Variants in USP35 observed in about 807,000 individuals in gnomAD.
USP35 encodes ubiquitin specific peptidase 35.
In USP35, 69 loss-of-function variants were observed where a neutral mutation model predicts 83.8. The ratio of observed to expected loss-of-function variants is 0.82; its 90% CI spans 0.68 to 1.01. The LOEUF (loss-of-function observed/expected upper bound fraction) is 1.01. USP35 is among the 50% of genes least tolerant of loss of function. The pLI is 0.00. For missense variants in USP35, 1,503 were observed against 1,362.5 expected (o/e 1.10, Z -1.62); for synonymous variants, 714 against 589.5 (o/e 1.21, Z -3.06).
intron 1 of USP35, among the ~76,000 whole-genome samples, chr11:78,193,064 A>T (rs1235025213): frequency 6.6e-6 from 1 of 152,132 alleles, no homozygotes; most frequent in African/African-American, 2.4e-5. Flanking sequence ...AGCATATGAA[A>T]TCCACTAGCC....
At position 78,196,660 on chromosome 11, in the gene USP35, G is replaced by A. The variant is rs1863156387; in HGVS notation, c.415G>A (p.Ala139Thr). The change falls in exon 2 of 11, where the codon GCG (alanine) becomes ACG (threonine). Residue 139 changes from alanine to threonine, a missense_variant. Ala to Thr is a moderately conservative substitution (Grantham distance 58). Coordinates refer to ENST00000529308, the MANE Select transcript of USP35 (RefSeq NM_020798.4). This position sits in a 1 kb window ranked among gnomAD's most constrained non-coding sequence, Gnocchi z 4.8. Reference protein sequence around the residue: ...LRTVCERPGPAACAQVARLLA... With the variant: ...LRTVCERPGPTACAQVARLLA... ...CACCGTGTGCGAGCGCCCGGGCCCC[G>A]CGGCCTGCGCGCAGGTGGCACGGCT... The A allele has an allele frequency of 5.7e-6, 8 of 1,414,824 alleles. No individual in the cohort carries two copies. The highest frequency in any genetic ancestry group is 4.6e-6 in the Non-Finnish European group (5 of 1,092,810). 87.6% of individuals were successfully genotyped at this position (1,414,824 alleles called of 1,614,324 possible). A position where few individuals can be genotyped will look rare whatever the true frequency, so the allele number is the denominator to read the frequency against.
intron 1 of USP35, among the ~76,000 whole-genome samples, chr11:78,193,211 T>G (rs1863051360): frequency 6.6e-6 from 1 of 152,098 alleles, no homozygotes; most frequent in Non-Finnish European, 1.5e-5. Context: ...TTTTCTTTTT[T>G]GAAACAGGAA....
chr11:78,231,336 GGT>G, the USP35 span, among the ~76,000 whole-genome samples: 243 of 145,794 alleles, frequency 1.7e-3, 1 homozygote, highest in South Asian at 7.2e-3. Context: ...GCGCGTGTGT[GGT>G]GTGTGTGTGT....
At chr11:78,204,311 T>A (rs1180878434) in intron 6 of USP35, among the ~76,000 whole-genome samples, 3 of 152,240 alleles carry the variant, frequency 2.0e-5, no homozygotes, top group Non-Finnish European at 2.9e-5. Context: ...CTTATAAAAT[T>A]ATTTCGCATG....
chr11:78,231,095 C>CT, the USP35 span, among the ~76,000 whole-genome samples: 4 of 152,190 alleles, frequency 2.6e-5, no homozygotes, highest in Admixed American at 2.6e-4. Context: ...AGACACACCT[C>CT]TTACTTTCAC....
chr11:78,232,577 C>G, the USP35 span, among the ~76,000 whole-genome samples: 1 of 152,130 alleles, frequency 6.6e-6, no homozygotes, highest in Non-Finnish European at 1.5e-5. Flanking sequence ...AGTGGAAGAC[C>G]TGCATTTTGA....
chr11:78,212,490 C>T (rs147629894), intron 10 of USP35, among the ~76,000 whole-genome samples: 14 of 152,138 alleles, frequency 9.2e-5, no homozygotes, highest in East Asian at 1.9e-4. Context: ...GGTAGTTTAA[C>T]GGGAATAGCA....
intron 5 of USP35, 141 bp from the exon 6 acceptor site, chr11:78,200,509 C>A (rs1863315372): frequency 1.6e-6 from 2 of 1,253,664 alleles, no homozygotes; most frequent in Admixed American, 5.4e-5. Flanking sequence ...GAGCTCAGAG[C>A]CCCATCTGGG....
the USP35 span, chr11:78,223,552 T>C: frequency 1.2e-6 from 2 of 1,613,874 alleles, no homozygotes; most frequent in Non-Finnish European, 1.7e-6. Context: ...CATTGGGATG[T>C]AGACGCTCTG....
At chr11:78,229,114 C>T in the USP35 span, among the ~76,000 whole-genome samples, 1 of 152,284 alleles carries the variant, frequency 6.6e-6, no homozygotes, top group South Asian at 2.1e-4. Context: ...GAGTATGTAG[C>T]TGCTGACAGT....
intron 1 of USP35, among the ~76,000 whole-genome samples, chr11:78,194,763 G>C (rs1016377885): frequency 3.3e-5 from 5 of 152,186 alleles, no homozygotes; most frequent in African/African-American, 1.2e-4. Context: ...TGCTCATCCA[G>C]CAAATGCCTG....
At chr11:78,207,442 A>G in intron 7 of USP35, 88 bp from the exon 8 acceptor site, 3 of 1,341,128 alleles carry the variant, frequency 2.2e-6, no homozygotes, top group Admixed American at 1.7e-5. Context: ...CCTTTGGCCT[A>G]GAGGCTCTGG....
At chr11:78,229,721 A>T in the USP35 span, among the ~76,000 whole-genome samples, 23 of 152,274 alleles carry the variant, frequency 1.5e-4, no homozygotes, top group African/African-American at 5.5e-4. Context: ...TCATCTCACC[A>T]ATCTTTTCTC....
rs781572895 is a variant in USP35 at position 78,206,038 on chromosome 11, A to G, written c.1391+3A>G. The G allele has an allele frequency of 9.4e-6, 15 of 1,603,830 alleles. No homozygotes were observed. In the Admixed American group the frequency reaches 2.5e-4, roughly 27 times the overall value. On this transcript the variant is annotated splice_donor_region_variant and intron_variant, in intron 7 of 10. Coordinates refer to ENST00000529308, the MANE Select transcript of USP35 (RefSeq NM_020798.4). ...CAGGCCTTATTCATGGCGTCTGAGT[A>G]GGTGCTGCTTTGGAATTCCCTGTCT...
At chr11:78,206,070 G>C in intron 7 of USP35, 35 bp downstream of exon 7, 4 of 1,593,542 alleles carry the variant, frequency 2.5e-6, no homozygotes, top group Non-Finnish European at 3.4e-6. Flanking sequence ...GTCTGCCCTT[G>C]CTTCTCTCCT....
chr11:78,199,444 A>G (rs2137033674), intron 3 of USP35, 151 bp from the exon 4 acceptor site: 1 of 1,170,006 alleles, frequency 8.5e-7, no homozygotes, highest in East Asian at 2.4e-5. Flanking sequence ...TTTCCCAGCC[A>G]TGTCTGGTTC....
Position 78,214,623 on chromosome 11 carries a change from T to TGACACTGCTGTAGCCCCCTTCTA in USP35, c.*811_*833dup, listed in dbSNP as rs1461331143. ...CACCTGCAGGTTGGGTGAAGTGCCCTGACACTGCTGTAGCCCCCTTCTAAC... is the reference window on the plus strand; with the variant it reads ...CACCTGCAGGTTGGGTGAAGTGCCCTGACACTGCTGTAGCCCCCTTCTAGACACTGCTGTAGCCCCCTTCTAAC... On this transcript the variant is annotated 3_prime_UTR_variant, in exon 11 of 11. Coordinates refer to ENST00000529308, the MANE Select transcript of USP35 (RefSeq NM_020798.4). 6.6e-6 allele frequency: 1 copy of TGACACTGCTGTAGCCCCCTTCTA among 152,242 alleles called. No homozygotes were observed. Among genetic ancestry groups the TGACACTGCTGTAGCCCCCTTCTA allele is most frequent in the Non-Finnish European group, 1.5e-5 (1 of 68,048 alleles). 9.4% of individuals were successfully genotyped at this position (152,242 alleles called of 1,614,324 possible).
chr11:78,197,153 C>T (rs1863177461), intron 2 of USP35, among the ~76,000 whole-genome samples: 1 of 141,600 alleles, frequency 7.1e-6, no homozygotes, highest in Non-Finnish European at 1.5e-5. Flanking sequence ...GGGAGGAGCA[C>T]ACTGGTGTGA....
the USP35 span, among the ~76,000 whole-genome samples, chr11:78,231,342 T>G: frequency 3.3e-3 from 501 of 150,878 alleles, 2 homozygotes; most frequent in African/African-American, 0.012. Context: ...GTGTGGTGTG[T>G]GTGTGTGTGT....
Sources: gnomAD v4.1 joint callset for allele counts (sites outside exome capture counted in the v4.1 genomes callset) on GRCh38, gnomAD v4.1.1 for gene constraint, Gnocchi (gnomAD v3.1) non-coding constraint, MANE v1.5 for transcripts, NCBI Gene and HGNC (gene_info 2026-07-23, HGNC 2026-07-21) for gene names.